Variants in OGFOD1 observed in about 807,000 individuals in gnomAD.
OGFOD1 encodes the protein prolyl 3-hydroxylase OGFOD1.
A neutral mutation model predicts 67.7 loss-of-function variants in OGFOD1; 54 were observed. The ratio of observed to expected loss-of-function variants is 0.80; its 90% confidence interval spans 0.64 to 1.00. The LOEUF is 1.00. Among genes scored for constraint, OGFOD1 ranks in the 50% least tolerant of loss-of-function variants. OGFOD1 has a pLI of 0.00. For synonymous variants in OGFOD1, 221 were observed against 227.0 expected (o/e 0.97, Z 0.24); for missense variants, 606 against 646.7 (o/e 0.94, Z 0.68).
chr16:56,467,017 C>G, intron 6 of OGFOD1, 50 bp downstream of exon 6: 2 of 1,532,524 alleles, frequency 1.3e-6, no homozygotes, highest in Non-Finnish European at 1.8e-6. Flanking sequence ...GTTTTTTAAT[C>G]ACCCATTATC....
chr16:56,467,074 A>G (rs1231007247), intron 6 of OGFOD1, 91 bp from the exon 7 acceptor site: 2 of 1,576,734 alleles, frequency 1.3e-6, no homozygotes, highest in African/African-American at 2.7e-5. Flanking sequence ...TGTTGTTTTA[A>G]TGCTTAGCAT....
chr16:56,458,327 C>T (rs994495356), intron 2 of OGFOD1: 85 of 545,312 alleles, frequency 1.6e-4, no homozygotes, highest in South Asian at 1.4e-3. Flanking sequence ...ACTATAATAA[C>T]GACTTAAGTA....
At chr16:56,463,384 GTTTTTTTTTTTTTTT>G (rs56388148) in intron 4 of OGFOD1, among the ~76,000 whole-genome samples, 13 of 43,810 alleles carry the variant, frequency 3.0e-4, no homozygotes, top group East Asian at 1.6e-3. Flanking sequence ...TCTTTTTTGG[GTTTTTTTTTTTTTTT>G]TTTTTTTTTT....
chr16:56,458,418 T>G (rs1962597956), intron 2 of OGFOD1, 130 bp from the exon 3 acceptor site: 1 of 794,542 alleles, frequency 1.3e-6, no homozygotes, highest in Middle Eastern at 2.3e-4. Context: ...GTGTTAAACC[T>G]AAGCAGCCTG....
chr16:56,453,038 A>T (rs992387726), intron 1 of OGFOD1, among the ~76,000 whole-genome samples: 1 of 152,190 alleles, frequency 6.6e-6, no homozygotes, highest in African/African-American at 2.4e-5. Context: ...ATCACCCATC[A>T]CTCATCTCAA....
chr16:56,469,982 CTTTA>C lies in OGFOD1; in HGVS notation c.901-17_901-14del, dbSNP rs1250809691. 6.3e-7 allele frequency: 1 copy of C among 1,593,200 alleles called. No homozygotes were observed. The highest frequency in any genetic ancestry group is 8.6e-7 in the Non-Finnish European group (1 of 1,163,360). Reference sequence around the variant, plus strand: ...TAATAGGGAGATCTGCTGAATGCTTCTTTATTTGCTCATTTTCTAGCCTGAGAAA... The same window carrying C: ...TAATAGGGAGATCTGCTGAATGCTTCTTTGCTCATTTTCTAGCCTGAGAAA... On this transcript the variant is annotated splice_polypyrimidine_tract_variant and intron_variant, in intron 8 of 12. Transcript: ENST00000566157.
intron 11 of OGFOD1, 152 bp from the exon 12 acceptor site, chr16:56,475,355 G>A (rs188714940): frequency 3.9e-4 from 286 of 731,482 alleles, no homozygotes; most frequent in Admixed American, 1.1e-3. Flanking sequence ...TGATAAACTA[G>A]ATGATAAGTT....
In OGFOD1 at chr16:56,469,111, A is replaced by G. The variant is rs538413890; in HGVS notation, c.901-892A>G. On this transcript the variant is annotated intron_variant, in intron 8 of 12. Transcript: ENST00000566157. ...CAGTTTACCTAAACCATGCTATGGG[A>G]TCTTTCCTTTTTCATGCATTTATAA... Among the ~76,000 whole-genome samples, 10 of 152,324 alleles carry G rather than the reference A, an allele frequency of 6.6e-5. No homozygotes were observed. The South Asian group carries it at 2.1e-3, about 32-fold the overall frequency.
chr16:56,464,057 C>T (rs1962816079), intron 4 of OGFOD1, among the ~76,000 whole-genome samples: 1 of 152,134 alleles, frequency 6.6e-6, no homozygotes, highest in Non-Finnish European at 1.5e-5. Flanking sequence ...TCTTCAGCCT[C>T]CCTCAATCTA....
chr16:56,459,576 A>C (rs1402535879), intron 3 of OGFOD1, among the ~76,000 whole-genome samples: 3 of 152,212 alleles, frequency 2.0e-5, no homozygotes, highest in African/African-American at 7.2e-5. Flanking sequence ...CTCAATTCTA[A>C]GAAACTTTTA....
chr16:56,471,349 G>A (rs1364703650), intron 10 of OGFOD1, among the ~76,000 whole-genome samples: 3 of 148,574 alleles, frequency 2.0e-5, no homozygotes, highest in South Asian at 2.1e-4. Context: ...GCAACAGAGC[G>A]AGACTACATC....
At position 56,467,766 on chromosome 16, in the gene OGFOD1, AAGCAG is replaced by A; in HGVS notation, c.787-136_787-132del. On this transcript the variant is annotated intron_variant, in intron 7 of 12. Transcript: ENST00000566157. The stretch of plus-strand genomic sequence containing the variant: ...GTAAACTTTTGAGAGTGTCTTTCTC[AAGCAG>A]AGTTTTCCAGTACTTTAATAGGAGA... 4.5e-6 allele frequency: 3 copies of A among 659,914 alleles called. No homozygotes were observed. In the South Asian group the frequency reaches 5.0e-5, roughly 11 times the overall value. 40.9% of individuals were successfully genotyped at this position (659,914 alleles called of 1,614,324 possible). A position where few individuals can be genotyped will look rare whatever the true frequency, so the allele number is the denominator to read the frequency against.
intron 1 of OGFOD1, 28 bp from the exon 2 acceptor site, chr16:56,453,235 G>C (rs569862373): frequency 1.3e-6 from 2 of 1,595,348 alleles, no homozygotes; most frequent in Non-Finnish European, 1.7e-6. Context: ...AAGGAAAAAA[G>C]CCATAGATAA....
Position 56,470,802 on chromosome 16 carries a change from G to C in OGFOD1, c.1285+11G>C, listed in dbSNP as rs1963133357. ...ATGAAACAAAGAAAGGTAAGCTGTT[G>C]TTAGGATTTGTCCTTACTTACCATT... On this transcript the variant is annotated intron_variant, in intron 10 of 12. Coordinates refer to ENST00000566157, the MANE Select transcript of OGFOD1 (RefSeq NM_018233.4). 2 of 1,566,860 alleles carry C rather than the reference G, an allele frequency of 1.3e-6. No homozygotes were observed. Among genetic ancestry groups the C allele is most frequent in the South Asian group, 2.4e-5 (2 of 82,854 alleles).
intron 10 of OGFOD1, 45 bp downstream of exon 10, chr16:56,470,836 AC>A (rs1471120279): frequency 6.8e-7 from 1 of 1,481,050 alleles, no homozygotes; most frequent in East Asian, 2.4e-5. Context: ...TTAACCATTC[AC>A]CATTCAAACA....
At chr16:56,459,839 T>G (rs1380751219) in intron 3 of OGFOD1, among the ~76,000 whole-genome samples, 1 of 152,230 alleles carries the variant, frequency 6.6e-6, no homozygotes, top group Non-Finnish European at 1.5e-5. Flanking sequence ...GTAAAAGATT[T>G]GGAAAAATAG....
chr16:56,473,142 G>A (rs1331488248), intron 10 of OGFOD1, among the ~76,000 whole-genome samples: 3 of 152,144 alleles, frequency 2.0e-5, no homozygotes, highest in African/African-American at 7.2e-5. Context: ...GTGTTAGCCA[G>A]GATGGTCTCC....
chr16:56,467,267 C>A lies in OGFOD1; in HGVS notation c.760C>A (p.Pro254Thr), dbSNP rs200933704. 429 of 1,614,014 alleles carry A rather than the reference C, an allele frequency of 2.7e-4. 1 individual carries two copies. Among genetic ancestry groups the A allele is most frequent in the Non-Finnish European group, 3.2e-4 (382 of 1,180,042 alleles). The change falls in exon 7 of 13, where the codon CCT becomes ACT. Residue 254 changes from proline (P) to threonine (T), a missense_variant. Transcript: ENST00000566157. ...TCCCAACTACTTTGAACCCCCCATACCTCGGAGCCCTCACATCCCACAAGA... is the reference window on the plus strand; with the variant it reads ...TCCCAACTACTTTGAACCCCCCATAACTCGGAGCCCTCACATCCCACAAGA... Reference protein sequence around the residue: ...RPPNYFEPPIPRSPHIPQDHE... With the variant: ...RPPNYFEPPITRSPHIPQDHE...
At chr16:56,470,956 T>A (rs1252116676) in intron 10 of OGFOD1, among the ~76,000 whole-genome samples, 165 bp downstream of exon 10, 2 of 152,174 alleles carry the variant, frequency 1.3e-5, no homozygotes, top group African/African-American at 2.4e-5. Flanking sequence ...GCTTACATTC[T>A]AGTAGAAGAA....
Sources: gnomAD v4.1 joint callset for allele counts (sites outside exome capture counted in the v4.1 genomes callset) on GRCh38, gnomAD v4.1.1 for gene constraint, MANE v1.5 for transcripts, NCBI Gene and HGNC (gene_info 2026-07-23, HGNC 2026-07-21) for gene names.